The following NEGR1 variants were observed in gnomAD, a reference collection of about 807,000 sequenced individuals.
NEGR1 encodes the protein neuronal growth regulator 1, also known as IgLON family member 4.
NEGR1 carries 10 observed loss-of-function variants against 40.9 expected under a neutral mutation model. The ratio of observed to expected loss-of-function variants is 0.24; its 90% CI spans 0.15 to 0.42. The LOEUF (loss-of-function observed/expected upper bound fraction) is 0.42, where lower values mean the gene tolerates loss of function less well. Ranked by LOEUF, NEGR1 falls within the 10% of genes least tolerant of loss-of-function variation. NEGR1 has a pLI of 1.00. For synonymous variants in NEGR1, 185 were observed against 166.8 expected (o/e 1.11, Z -0.84); for missense variants, 352 against 438.9 (o/e 0.80, Z 1.77).
At chr1:71,988,304 C>T (rs1172916332) in intron 1 of NEGR1, among the ~76,000 whole-genome samples, 2 of 152,032 alleles carry the variant, frequency 1.3e-5, no homozygotes, top group Non-Finnish European at 2.9e-5. Flanking sequence ...GGTTGGGAGG[C>T]CGAGGCGGGT....
At chr1:72,276,641 C>T (rs1202730135) in intron 1 of NEGR1, among the ~76,000 whole-genome samples, 1 of 152,034 alleles carries the variant, frequency 6.6e-6, no homozygotes, top group African/African-American at 2.4e-5. Context: ...TAATATGCCT[C>T]AATATTCTTA....
At chr1:71,692,819 T>TA (rs1653337552) in intron 4 of NEGR1, among the ~76,000 whole-genome samples, 1 of 151,804 alleles carries the variant, frequency 6.6e-6, no homozygotes, top group Non-Finnish European at 1.5e-5. Flanking sequence ...ACTTATTGGA[T>TA]AAAAAACTTA....
At chr1:71,730,877 CGTGTGT>C (rs59873481) in intron 3 of NEGR1, among the ~76,000 whole-genome samples, 5,001 of 130,000 alleles carry the variant, frequency 0.038, 235 homozygotes, top group African/African-American at 0.12. Flanking sequence ...GTGAAGCATT[CGTGTGT>C]GTGTGTGTGT....
At chr1:71,757,228 C>A (rs999723526) in intron 3 of NEGR1, among the ~76,000 whole-genome samples, 2 of 152,002 alleles carry the variant, frequency 1.3e-5, no homozygotes, top group African/African-American at 2.4e-5. Flanking sequence ...TCCCTCTGGA[C>A]AAAATTCCCT....
At chr1:71,974,898 G>C (rs1014079469) in intron 1 of NEGR1, among the ~76,000 whole-genome samples, 5 of 152,048 alleles carry the variant, frequency 3.3e-5, no homozygotes, top group Admixed American at 2.6e-4. Context: ...CTCGAGAATA[G>C]CACAATACTG....
chr1:71,955,992 TG>T (rs1384854245), intron 1 of NEGR1, among the ~76,000 whole-genome samples: 1 of 152,188 alleles, frequency 6.6e-6, no homozygotes, highest in Non-Finnish European at 1.5e-5. Context: ...ATCATTAATA[TG>T]GATAAATTCA....
chr1:72,031,794 G>T (rs182390797), intron 1 of NEGR1, among the ~76,000 whole-genome samples: 3 of 152,248 alleles, frequency 2.0e-5, no homozygotes, highest in South Asian at 4.2e-4. Flanking sequence ...AGGGAGGAAG[G>T]TTTGAGCCTA....
At chr1:72,261,810 A>C (rs371753914) in intron 1 of NEGR1, among the ~76,000 whole-genome samples, 3 of 152,080 alleles carry the variant, frequency 2.0e-5, no homozygotes, top group South Asian at 4.1e-4. Context: ...ACAGTTAAAC[A>C]ATGTGTAACA....
chr1:71,933,860 A>G (rs1291650864), intron 2 of NEGR1, among the ~76,000 whole-genome samples: 1 of 152,126 alleles, frequency 6.6e-6, no homozygotes, highest in Non-Finnish European at 1.5e-5. Context: ...TCACAAAGTT[A>G]AAATATTTAC....
intron 5 of NEGR1, 82 bp downstream of exon 5, chr1:71,610,944 A>C: frequency 7.0e-7 from 1 of 1,428,506 alleles, no homozygotes; most frequent in South Asian, 1.2e-5. Context: ...CCAGTTAAAG[A>C]AATTGCCTAA....
chr1:71,773,040 G>T (rs895224985), intron 3 of NEGR1, among the ~76,000 whole-genome samples: 1 of 151,194 alleles, frequency 6.6e-6, no homozygotes, highest in Non-Finnish European at 1.5e-5. Context: ...GTTTTTTTTT[G>T]GTGAAAGTAT....
intron 1 of NEGR1, among the ~76,000 whole-genome samples, chr1:72,174,337 G>C (rs2821294): frequency 0.97 from 147,921 of 152,264 alleles, 71,889 homozygotes; most frequent in East Asian, 1. Context: ...ATTGACCTAC[G>C]GTTATCACCC....
chr1:71,963,857 T>A (rs1403580885), intron 1 of NEGR1, among the ~76,000 whole-genome samples: 2 of 152,174 alleles, frequency 1.3e-5, no homozygotes, highest in East Asian at 1.9e-4. Context: ...ATCACTAGAA[T>A]TTGTGATGCA....
At chr1:72,044,293 A>T (rs1056632007) in intron 1 of NEGR1, among the ~76,000 whole-genome samples, 2 of 151,244 alleles carry the variant, frequency 1.3e-5, no homozygotes, top group African/African-American at 4.8e-5. Context: ...GTTCAATGAT[A>T]AATGCAATAA....
chr1:71,964,825 A>T (rs752371865), intron 1 of NEGR1, among the ~76,000 whole-genome samples: 4 of 34,064 alleles, frequency 1.2e-4, no homozygotes, highest in African/African-American at 6.9e-4. Context: ...TAATCACATT[A>T]AAAAAAAAAA....
intron 4 of NEGR1, among the ~76,000 whole-genome samples, chr1:71,688,268 T>C (rs1226926030): frequency 1.5e-5 from 2 of 135,588 alleles, no homozygotes; most frequent in South Asian, 2.3e-4. Flanking sequence ...CTGTGTTACA[T>C]TGCCCGGAAA....
At chr1:72,015,543 A>C (rs1321594469) in intron 1 of NEGR1, among the ~76,000 whole-genome samples, 1 of 152,042 alleles carries the variant, frequency 6.6e-6, no homozygotes, top group Non-Finnish European at 1.5e-5. Context: ...CATGGCTAAG[A>C]CCTATAATCC....
At chr1:71,895,879 C>T (rs1660957011) in intron 2 of NEGR1, among the ~76,000 whole-genome samples, 1 of 152,150 alleles carries the variant, frequency 6.6e-6, no homozygotes, top group Admixed American at 6.5e-5. Context: ...TTTTCTTTCA[C>T]AAGAGCTACA....
chr1:71,570,460 G>C (rs1648774781), intron 6 of NEGR1, among the ~76,000 whole-genome samples: 1 of 152,128 alleles, frequency 6.6e-6, no homozygotes, highest in Non-Finnish European at 1.5e-5. Flanking sequence ...TTATAAGTTG[G>C]AAAGTGACAT....
Sources: allele counts gnomAD v4.1 joint callset (sites outside exome capture counted in the v4.1 genomes callset), GRCh38; gene constraint gnomAD v4.1.1; transcripts MANE v1.5; gene names NCBI Gene and HGNC (gene_info 2026-07-23, HGNC 2026-07-21).